Variants in EPHA6 observed in about 807,000 individuals in gnomAD.
EPHA6 encodes ephrin type-A receptor 6.
A neutral mutation model predicts 112.0 loss-of-function variants in EPHA6; 50 were observed. The ratio of observed to expected loss-of-function variants is 0.45; its 90% CI spans 0.36 to 0.56. The LOEUF is 0.56. Among genes scored for constraint, EPHA6 ranks in the 20% least tolerant of loss-of-function variants. The pLI is 0.00. For missense variants in EPHA6, 1,280 were observed against 1,417.4 expected (o/e 0.90, Z 1.56); for synonymous variants, 529 against 490.7 (o/e 1.08, Z -1.03).
At chr3:97,475,740 T>A (rs577945694) in intron 8 of EPHA6, among the ~76,000 whole-genome samples, 10 of 152,066 alleles carry the variant, frequency 6.6e-5, no homozygotes, top group Admixed American at 1.3e-4. Context: ...TCAAATTACA[T>A]CATAAAAAAT....
intron 11 of EPHA6, among the ~76,000 whole-genome samples, chr3:97,569,099 G>T (rs765521963): frequency 6.6e-6 from 1 of 152,150 alleles, no homozygotes; most frequent in African/African-American, 2.4e-5. Context: ...CCCAAATCAA[G>T]TCAGGTCAGA....
chr3:97,641,583 G>A (rs981261766), intron 14 of EPHA6, among the ~76,000 whole-genome samples: 2 of 152,226 alleles, frequency 1.3e-5, no homozygotes, highest in African/African-American at 4.8e-5. Context: ...AGTGGGTGCA[G>A]CGCACCATGC....
chr3:97,229,875 C>T (rs1312134547), intron 4 of EPHA6, among the ~76,000 whole-genome samples: 4 of 151,968 alleles, frequency 2.6e-5, no homozygotes. Flanking sequence ...AAAATTACTA[C>T]TTAGGTATTT....
intron 5 of EPHA6, among the ~76,000 whole-genome samples, chr3:97,319,240 T>A (rs1271026268): frequency 6.6e-6 from 1 of 151,604 alleles, no homozygotes; most frequent in East Asian, 1.9e-4. Context: ...TTTAGTTCAA[T>A]GGTAATTTTA....
chr3:97,016,144 T>A (rs2044260060), intron 3 of EPHA6, among the ~76,000 whole-genome samples: 1 of 152,174 alleles, frequency 6.6e-6, no homozygotes, highest in Non-Finnish European at 1.5e-5. Context: ...CAAAGCAGCT[T>A]GCTGTAGGTA....
intron 2 of EPHA6, among the ~76,000 whole-genome samples, chr3:96,884,584 A>T (rs1437990289): frequency 1.3e-5 from 2 of 152,140 alleles, no homozygotes; most frequent in East Asian, 3.9e-4. Context: ...GTATCCAGGA[A>T]CTTTGCTGAT....
intron 5 of EPHA6, among the ~76,000 whole-genome samples, chr3:97,263,122 T>C (rs544593771): frequency 2.6e-5 from 4 of 152,290 alleles, no homozygotes; most frequent in Admixed American, 2.6e-4. Context: ...GTATAAAAGT[T>C]GATGTTAACT....
intron 2 of EPHA6, among the ~76,000 whole-genome samples, chr3:96,962,479 G>T (rs72916475): frequency 1.4e-5 from 2 of 147,998 alleles, no homozygotes; most frequent in Admixed American, 6.9e-5. Flanking sequence ...TTCTCACTGG[G>T]AATTGCTCCC....
At chr3:97,308,041 G>C (rs894419648) in intron 5 of EPHA6, among the ~76,000 whole-genome samples, 8 of 151,202 alleles carry the variant, frequency 5.3e-5, no homozygotes, top group African/African-American at 1.7e-4. Context: ...TATACACACA[G>C]CCCTCAACCT....
At chr3:96,865,718 A>G (rs1185996318) in intron 1 of EPHA6, among the ~76,000 whole-genome samples, 2 of 149,340 alleles carry the variant, frequency 1.3e-5, no homozygotes, top group Non-Finnish European at 3.0e-5. Flanking sequence ...AAAAAAAAGG[A>G]AAAAGAAATC....
chr3:97,121,694 G>A (rs1465657195), intron 3 of EPHA6, among the ~76,000 whole-genome samples: 1 of 152,162 alleles, frequency 6.6e-6, no homozygotes, highest in Admixed American at 6.6e-5. Context: ...CCAGTTAACT[G>A]CAAGATTTAA....
intron 3 of EPHA6, among the ~76,000 whole-genome samples, chr3:97,201,989 T>A (rs1217019108): frequency 6.6e-6 from 1 of 152,128 alleles, no homozygotes; most frequent in Non-Finnish European, 1.5e-5. Context: ...GGCACATACA[T>A]AACCAAACAT....
chr3:97,068,517 C>G (rs968305381), intron 3 of EPHA6, among the ~76,000 whole-genome samples: 1 of 151,940 alleles, frequency 6.6e-6, no homozygotes, highest in Non-Finnish European at 1.5e-5. Context: ...TCCAGAGCAC[C>G]TAGAACATGA....
Position 96,814,785 on chromosome 3 carries a change from GGAGGAGGAA to G in EPHA6, c.171_179del (p.Glu61_Glu63del). On this transcript the variant is annotated inframe_deletion, in exon 1 of 18. Coordinates refer to ENST00000389672, the MANE Select transcript of EPHA6 (RefSeq NM_001080448.3). ...CCGGGACACCCCCTGCGGGCCGGGT[GGAGGAGGAA>G]GAGGAGGAGGAGGAAGAAGACGTGG... 1 of 1,603,796 alleles carries G rather than the reference GGAGGAGGAA, an allele frequency of 6.2e-7. No homozygotes were observed. Among genetic ancestry groups the G allele is most frequent in the African/African-American group, 1.3e-5 (1 of 74,838 alleles).
rs145307763 is a variant in EPHA6 at position 97,511,583 on chromosome 3, T to G, written c.2201-20775T>G. On this transcript the variant is annotated intron_variant, in intron 10 of 17. Transcript: ENST00000389672. ...AAATGCAGAAATCACCCACCTTCTA[T>G]GTTGATCTCGCTGGGAGCTGCAGAC... Among the ~76,000 whole-genome samples the G allele has an allele frequency of 6.5e-3, 994 of 152,268 alleles. 12 individuals carry two copies. The highest frequency in any genetic ancestry group is 0.022 in the African/African-American group (915 of 41,546).
intron 2 of EPHA6, among the ~76,000 whole-genome samples, chr3:96,908,056 G>A (rs1217441356): frequency 6.6e-6 from 1 of 151,924 alleles, no homozygotes; most frequent in African/African-American, 2.4e-5. Flanking sequence ...AACCTGTGTA[G>A]CATGTTCCTG....
intron 3 of EPHA6, among the ~76,000 whole-genome samples, chr3:97,168,856 C>A (rs997167338): frequency 5.9e-5 from 9 of 151,898 alleles, no homozygotes; most frequent in Admixed American, 2.6e-4. Flanking sequence ...TATAAAGATA[C>A]CTGAAAATAT....
At chr3:97,376,949 G>A (rs572952014) in intron 5 of EPHA6, among the ~76,000 whole-genome samples, 1 of 152,246 alleles carries the variant, frequency 6.6e-6, no homozygotes, top group South Asian at 2.1e-4. Flanking sequence ...TGAAAATCCA[G>A]GCATATCCAC....
rs376456759 is a variant in EPHA6, at chr3:97,284,781, C to T, written c.1606+40494C>T. On this transcript the variant is annotated intron_variant, in intron 5 of 17. Transcript: ENST00000389672. ...AAAAATTCCCCAAGGCCATTTGATTCTCCTCCCAATTAATACAAATATGTT... is the reference window on the plus strand; with the variant it reads ...AAAAATTCCCCAAGGCCATTTGATTTTCCTCCCAATTAATACAAATATGTT... 4.6e-5 allele frequency among the ~76,000 whole-genome samples: 7 copies of T among 152,220 alleles called. 1 individual carries two copies. The highest frequency in any genetic ancestry group is 2.1e-4 in the South Asian group (1 of 4,824).
Sources: gnomAD v4.1 joint callset for allele counts (sites outside exome capture counted in the v4.1 genomes callset) on GRCh38, gnomAD v4.1.1 for gene constraint, MANE v1.5 for transcripts, NCBI Gene and HGNC (gene_info 2026-07-23, HGNC 2026-07-21) for gene names.